Variants in CLHC1 observed in about 807,000 individuals in gnomAD.
The protein encoded by CLHC1 is clathrin heavy chain linker domain-containing protein 1.
A neutral mutation model predicts 69.5 loss-of-function variants in CLHC1; 72 were observed. The ratio of observed to expected loss-of-function variants is 1.04; its 90% confidence interval spans 0.86 to 1.26. The LOEUF is 1.26. Ranked by LOEUF, CLHC1 falls within the 50% of genes most tolerant of loss-of-function variation. The probability of loss-of-function intolerance (pLI) is 0.00; values close to 1 mark genes in which losing one functional copy is unlikely to be tolerated. For synonymous variants in CLHC1, 223 were observed against 224.3 expected (o/e 0.99, Z 0.05); for missense variants, 790 against 679.3 (o/e 1.16, Z -1.81).
At chr2:55,222,918 CAAAAAA>C (rs59113625) in intron 2 of CLHC1, among the ~76,000 whole-genome samples, 3 of 68,556 alleles carry the variant, frequency 4.4e-5, no homozygotes, top group African/African-American at 1.7e-4. Context: ...GAAACTGTCT[CAAAAAA>C]AAAAAAAAAA....
intron 9 of CLHC1, 141 bp from the exon 10 acceptor site, chr2:55,181,885 G>T: frequency 1.5e-6 from 1 of 668,228 alleles, no homozygotes; most frequent in Non-Finnish European, 2.5e-6. Context: ...TTTAACTCAT[G>T]CTTATAGATT....
At chr2:55,228,632 G>T (rs1251611781) in intron 1 of CLHC1, among the ~76,000 whole-genome samples, 1 of 152,164 alleles carries the variant, frequency 6.6e-6, no homozygotes, top group South Asian at 2.1e-4. Context: ...GGCCAGAGGG[G>T]CATCTCATCA....
At chr2:55,206,240 C>T (rs1672427847) in intron 9 of CLHC1, 30 bp downstream of exon 9, 1 of 1,263,908 alleles carries the variant, frequency 7.9e-7, no homozygotes, top group Non-Finnish European at 1.1e-6. Context: ...AATTTTCATA[C>T]ATATATAAGG....
chr2:55,178,153 A>G (rs111479054), intron 11 of CLHC1, among the ~76,000 whole-genome samples: 1 of 152,226 alleles, frequency 6.6e-6, no homozygotes. Flanking sequence ...AAAGTGTAGT[A>G]TTAGAGGTCT....
chr2:55,214,894 C>T (rs1167515110), intron 4 of CLHC1: 1 of 152,186 alleles, frequency 6.6e-6, no homozygotes, highest in Admixed American at 6.5e-5. Context: ...AGTTCTAATA[C>T]ATTACCACAT....
intron 10 of CLHC1, 96 bp downstream of exon 10, chr2:55,181,464 GAAGTAAATGT>G: frequency 1.1e-6 from 1 of 891,144 alleles, no homozygotes; most frequent in Non-Finnish European, 1.7e-6. Flanking sequence ...ATAGGGACCT[GAAGTAAATGT>G]TCAAGTAACA....
chr2:55,230,040 C>A (rs1230838469), intron 1 of CLHC1, among the ~76,000 whole-genome samples: 1 of 152,086 alleles, frequency 6.6e-6, no homozygotes, highest in Non-Finnish European at 1.5e-5. Flanking sequence ...CCATTGCACT[C>A]CAGCCTGGGC....
Position 55,232,241 on chromosome 2 carries a change from T to A in CLHC1, c.-274A>T, listed in dbSNP as rs1675483668. On this transcript the variant is annotated 5_prime_UTR_variant, in exon 1 of 13. Coordinates refer to ENST00000401408, the MANE Select transcript of CLHC1 (RefSeq NM_152385.4). ...ATCCTACCTCCAGTCCTCACCTGAG[T>A]CCTTTTCTCCAAACACCGACTTCAG... 5.6e-6 allele frequency: 1 copy of A among 179,988 alleles called. No homozygotes were observed. Among genetic ancestry groups the A allele is most frequent in the South Asian group, 1.0e-4 (1 of 9,728 alleles). The allele number at this position is 179,988 out of a possible 1,614,324, so 11.1% of individuals were successfully genotyped here.
intron 1 of CLHC1, among the ~76,000 whole-genome samples, chr2:55,229,423 G>T (rs887723709): frequency 6.6e-6 from 1 of 152,056 alleles, no homozygotes; most frequent in Admixed American, 6.6e-5. Flanking sequence ...CAGTCCAAAG[G>T]CCTCAGGGTG....
intron 2 of CLHC1, chr2:55,224,954 G>A (rs945308238): frequency 2.5e-4 from 42 of 165,980 alleles, no homozygotes; most frequent in African/African-American, 9.4e-4. Context: ...CTCTTTTCTG[G>A]ACCACTGCGA....
intron 3 of CLHC1, chr2:55,218,340 T>C (rs1673780385): frequency 6.2e-6 from 1 of 160,846 alleles, no homozygotes; most frequent in South Asian, 2.0e-4. Flanking sequence ...AATAGAATTC[T>C]GTATCTTCTC....
At chr2:55,215,447 C>T (rs959874034) in intron 4 of CLHC1, among the ~76,000 whole-genome samples, 1 of 152,160 alleles carries the variant, frequency 6.6e-6, no homozygotes, top group African/African-American at 2.4e-5. Flanking sequence ...CAAGAATCAT[C>T]CTTGTATATA....
intron 9 of CLHC1, among the ~76,000 whole-genome samples, chr2:55,186,698 C>T (rs1670445952): frequency 6.6e-6 from 1 of 151,962 alleles, no homozygotes; most frequent in Admixed American, 6.6e-5. Flanking sequence ...TCACTTGAGC[C>T]CAGAAGGTCA....
intron 9 of CLHC1, among the ~76,000 whole-genome samples, chr2:55,199,156 G>C (rs943322740): frequency 6.6e-6 from 1 of 151,846 alleles, no homozygotes; most frequent in Non-Finnish European, 1.5e-5. Context: ...AACTAGCTGG[G>C]TGTGGCAGGG....
rs116179205 is a variant in CLHC1 at position 55,222,226 on chromosome 2, T to G, written c.177+9A>C. The G allele has an allele frequency of 1.2e-3, 1,977 of 1,603,698 alleles. 11 individuals carry two copies. The highest frequency in any genetic ancestry group is 8.5e-3 in the African/African-American group (637 of 74,828). ...TGAAAACTTAATTGTCTTAAAAGCT[T>G]TATGATACCTTATCAAAAACATTTC... On this transcript the variant is annotated intron_variant, in intron 3 of 12. Transcript: ENST00000401408.
At chr2:55,199,311 A>G (rs11684602) in intron 9 of CLHC1, among the ~76,000 whole-genome samples, 23,752 of 147,366 alleles carry the variant, frequency 0.16, 2,145 homozygotes, top group East Asian at 0.32. Context: ...AAAAAAAAAA[A>G]AAAAAAAAAA....
chr2:55,228,522 C>T (rs1281280398), intron 1 of CLHC1, among the ~76,000 whole-genome samples: 1 of 152,162 alleles, frequency 6.6e-6, no homozygotes, highest in Non-Finnish European at 1.5e-5. Flanking sequence ...GTTGACAAGT[C>T]ACAAGGGTTC....
At chr2:55,195,834 C>CA (rs966924985) in intron 9 of CLHC1, among the ~76,000 whole-genome samples, 9 of 151,582 alleles carry the variant, frequency 5.9e-5, no homozygotes, top group East Asian at 1.9e-4. Context: ...AGAACAAAAA[C>CA]AAAAAAAACT....
intron 1 of CLHC1, among the ~76,000 whole-genome samples, chr2:55,230,972 G>C (rs1251603971): frequency 6.6e-6 from 1 of 152,174 alleles, no homozygotes; most frequent in African/African-American, 2.4e-5. Context: ...CCAGGAGGCA[G>C]GGCGTGGTGG....
Sources: gnomAD v4.1 joint callset for allele counts (sites outside exome capture counted in the v4.1 genomes callset) on GRCh38, gnomAD v4.1.1 for gene constraint, MANE v1.5 for transcripts, NCBI Gene and HGNC (gene_info 2026-07-23, HGNC 2026-07-21) for gene names.